The following CDKN2B-AS1 variants were observed in gnomAD, a reference collection of about 807,000 sequenced individuals.
The protein encoded by CDKN2B-AS1 is CDKN2B and CDKN2A antisense cis and trans regulatory RNA 1, also known as CDKN2B antisense RNA 1 (non-protein coding).
intron 1 of CDKN2B-AS1, among the ~76,000 whole-genome samples, chr9:22,023,268 T>C (rs1822085797): frequency 6.6e-6 from 1 of 152,168 alleles, no homozygotes; most frequent in Non-Finnish European, 1.5e-5. Context: ...ACCAATGAAT[T>C]GTAGATGTGG....
rs1360360451 is a variant in CDKN2B-AS1 at position 22,039,140 on chromosome 9, C to T, written n.30-7611C>T. ...TTAAAAATATTCAAAATGACAAAAACTTAAAATGACATCTAATTTTTTAAG... is the reference window on the plus strand; with the variant it reads ...TTAAAAATATTCAAAATGACAAAAATTTAAAATGACATCTAATTTTTTAAG... On this transcript the variant is annotated intron_variant and non_coding_transcript_variant, in intron 1 of 4. Coordinates refer to ENST00000650946, the Ensembl canonical transcript of CDKN2B-AS1. This position sits in a 1 kb window ranked among gnomAD's most constrained non-coding sequence, Gnocchi z 4.4. 6.6e-6 allele frequency among the ~76,000 whole-genome samples: 1 copy of T among 151,840 alleles called. No homozygotes were observed. The highest frequency in any genetic ancestry group is 2.4e-5 in the African/African-American group (1 of 41,350).
chr9:22,065,566 A>G lies in CDKN2B-AS1; in HGVS notation n.438+9179A>G, dbSNP rs1824000709. 1.3e-5 allele frequency: 2 copies of G among 152,216 alleles called. 1 individual carries two copies. The highest frequency in any genetic ancestry group is 4.1e-4 in the South Asian group (2 of 4,834). 9.4% of individuals were successfully genotyped at this position (152,216 alleles called of 1,614,324 possible). On this transcript the variant is annotated intron_variant and non_coding_transcript_variant, in intron 4 of 4. Coordinates refer to ENST00000650946, the Ensembl canonical transcript of CDKN2B-AS1. ...TGGAAGGGGAAAGGAAGCTTCTGCT[A>G]TTGAACGAACTTTTTGTTAAGGTAG...
intron 4 of CDKN2B-AS1, among the ~76,000 whole-genome samples, chr9:22,089,475 G>A (rs1824988868): frequency 6.6e-6 from 1 of 152,046 alleles, no homozygotes. Context: ...TGTCACCCAG[G>A]CTGGACCGGA....
chr9:22,079,910 C>G (rs1824638005), intron 4 of CDKN2B-AS1, among the ~76,000 whole-genome samples: 1 of 152,240 alleles, frequency 6.6e-6, no homozygotes, highest in Non-Finnish European at 1.5e-5. Context: ...CCAGATATCT[C>G]TTCCCCCATG....
intron 4 of CDKN2B-AS1, among the ~76,000 whole-genome samples, chr9:22,080,948 T>C (rs1824671238): frequency 6.6e-6 from 1 of 152,240 alleles, no homozygotes; most frequent in South Asian, 2.1e-4. Flanking sequence ...TAGCCTATGC[T>C]TCTTAAAAAT....
chr9:22,073,214 C>T (rs994888546), intron 4 of CDKN2B-AS1, among the ~76,000 whole-genome samples: 1 of 152,136 alleles, frequency 6.6e-6, no homozygotes, highest in Non-Finnish European at 1.5e-5. Flanking sequence ...TAGGTATACT[C>T]TTGAAAATAG....
intron 4 of CDKN2B-AS1, among the ~76,000 whole-genome samples, chr9:22,075,478 T>G (rs954321650): frequency 6.6e-5 from 10 of 152,308 alleles, no homozygotes; most frequent in African/African-American, 2.2e-4. Flanking sequence ...TAACTGGGCT[T>G]CAAAGGATGA....
At chr9:22,102,160 G>C (rs535331254) in intron 4 of CDKN2B-AS1, among the ~76,000 whole-genome samples, 1 of 152,314 alleles carries the variant, frequency 6.6e-6, no homozygotes, top group South Asian at 2.1e-4. Context: ...AGATGCATCT[G>C]AATGACAGGC....
At chr9:22,052,177 T>C (rs1823374095) in intron 3 of CDKN2B-AS1, among the ~76,000 whole-genome samples, 1 of 152,152 alleles carries the variant, frequency 6.6e-6, no homozygotes, top group Admixed American at 6.5e-5. Context: ...CCAATGAAAT[T>C]ACAAGTACTA....
chr9:22,008,977 G>A (rs771112476), intron 1 of CDKN2B-AS1: 7 of 1,613,252 alleles, frequency 4.3e-6, no homozygotes, highest in Middle Eastern at 3.3e-4. Flanking sequence ...GACGCGCAGC[G>A]GCCCGGATAA....
At chr9:22,045,038 T>TTGTGTGTGTGTGTGTGTGTGTGTGTGTG (rs3028395) in intron 1 of CDKN2B-AS1, among the ~76,000 whole-genome samples, 8 of 141,854 alleles carry the variant, frequency 5.6e-5, no homozygotes, top group African/African-American at 2.2e-4. Flanking sequence ...TATTATTTAT[T>TTGTGTGTGTGTGTGTGTGTGTGTGTGTG]TGTGTGTGTG....
At position 22,000,688 on chromosome 9, in the gene CDKN2B-AS1, G is replaced by C. The variant is rs3218004; in HGVS notation, n.29+5527G>C. On this transcript the variant is annotated intron_variant and non_coding_transcript_variant, in intron 1 of 4. Coordinates refer to ENST00000650946, the Ensembl canonical transcript of CDKN2B-AS1. This position sits in a 1 kb window ranked among gnomAD's most constrained non-coding sequence, Gnocchi z 4.1. ...TCTGCTGACTTGTCTGTGGGTTTTT[G>C]AACAGAATAAACTGTTTCTTCTTTT... is the stretch of plus-strand genomic sequence containing the variant. Among the ~76,000 whole-genome samples, 193 of 152,200 alleles carry C rather than the reference G, an allele frequency of 1.3e-3. 3 individuals are homozygous for C. Among genetic ancestry groups the C allele is most frequent in the African/African-American group, 4.5e-3 (188 of 41,536 alleles).
chr9:22,067,687 G>A (rs1174837992), intron 4 of CDKN2B-AS1, among the ~76,000 whole-genome samples: 5 of 152,140 alleles, frequency 3.3e-5, no homozygotes, highest in African/African-American at 1.2e-4. Context: ...CCACATAGCA[G>A]GGGTTTCATA....
chr9:22,094,307 C>T (rs539513574), intron 4 of CDKN2B-AS1, among the ~76,000 whole-genome samples: 18 of 143,446 alleles, frequency 1.3e-4, no homozygotes, highest in Non-Finnish European at 2.5e-4. Context: ...TGGAGTTGCT[C>T]TTCTTGAGGA....
chr9:22,015,449 T>C (rs1003971116), intron 1 of CDKN2B-AS1, among the ~76,000 whole-genome samples: 1 of 152,166 alleles, frequency 6.6e-6, no homozygotes, highest in African/African-American at 2.4e-5. Flanking sequence ...AATTGTTTGG[T>C]CATTCTGAAT....
chr9:22,008,711 G>T, intron 1 of CDKN2B-AS1: 1 of 1,611,414 alleles, frequency 6.2e-7, no homozygotes, highest in Middle Eastern at 1.6e-4. Flanking sequence ...AATCTACATC[G>T]GCGATCTAGG....
At chr9:22,007,134 C>G (rs749705609) in intron 1 of CDKN2B-AS1, among the ~76,000 whole-genome samples, 1 of 152,106 alleles carries the variant, frequency 6.6e-6, no homozygotes, top group Non-Finnish European at 1.5e-5. Context: ...CCATAGCAGG[C>G]AGATCACCTG....
intron 1 of CDKN2B-AS1, among the ~76,000 whole-genome samples, chr9:22,033,888 A>G (rs1317770216): frequency 1.3e-5 from 2 of 152,230 alleles, no homozygotes; most frequent in African/African-American, 4.8e-5. Flanking sequence ...TACTCAATGA[A>G]AAACCAACTA....
At chr9:22,043,786 T>TA (rs1315623103) in intron 1 of CDKN2B-AS1, among the ~76,000 whole-genome samples, 6 of 152,096 alleles carry the variant, frequency 3.9e-5, no homozygotes, top group Admixed American at 3.9e-4. Context: ...ATGTGCTAGT[T>TA]AAAAATTTTT....
Sources: gnomAD v4.1 joint callset for allele counts (sites outside exome capture counted in the v4.1 genomes callset) on GRCh38, gnomAD v4.1.1 for gene constraint, Gnocchi (gnomAD v3.1) non-coding constraint, MANE v1.5 for transcripts, NCBI Gene and HGNC (gene_info 2026-07-23, HGNC 2026-07-21) for gene names.